CHD6: variants seen among roughly 807,000 people sequenced by gnomAD.
CHD6 encodes ATP-dependent chromatin remodeler CHD6.
A neutral mutation model predicts 276.9 loss-of-function variants in CHD6; 50 were observed. That is an observed-to-expected ratio of 0.18 (90% CI 0.14 to 0.23). The LOEUF is 0.23. Ranked by LOEUF, CHD6 falls within the 10% of genes least tolerant of loss-of-function variation. The pLI, the probability that CHD6 is intolerant of heterozygous loss-of-function variation, is 1.00. For missense variants in CHD6, 2,564 were observed against 3,365.8 expected (o/e 0.76, Z 5.89); for synonymous variants, 1,173 against 1,229.3 (o/e 0.95, Z 0.96).
chr20:41,615,844 T>G (rs569195030), intron 1 of CHD6, among the ~76,000 whole-genome samples: 7 of 152,306 alleles, frequency 4.6e-5, no homozygotes, highest in South Asian at 4.1e-4. Context: ...CAGGAAGACA[T>G]AACCACAAAC....
chr20:41,465,227 T>C (rs900883206), intron 17 of CHD6, among the ~76,000 whole-genome samples: 2 of 152,150 alleles, frequency 1.3e-5, no homozygotes, highest in Non-Finnish European at 2.9e-5. Flanking sequence ...TTTTTAGAGA[T>C]AAATACAGTT....
intron 3 of CHD6, among the ~76,000 whole-genome samples, chr20:41,528,061 C>A (rs1346278072): frequency 6.6e-6 from 1 of 152,172 alleles, no homozygotes; most frequent in Non-Finnish European, 1.5e-5. Flanking sequence ...ATACATTATC[C>A]AGTCTGTGTA....
rs73123239 is a variant in CHD6 at position 41,455,544 on chromosome 20, T to C, written c.3009+256A>G. The stretch of plus-strand genomic sequence containing the variant: ...CCTTGCAAACAGAGCCAACTGAGAA[T>C]AGGAGTGTTTATTCTGTCTGTTAAA... On this transcript the variant is annotated intron_variant, in intron 19 of 36. Transcript: ENST00000373233. Among the ~76,000 whole-genome samples, 1,508 of 152,272 alleles carry C rather than the reference T, an allele frequency of 9.9e-3. 11 individuals carry two copies. Among genetic ancestry groups the C allele is most frequent in the Non-Finnish European group, 0.019 (1,265 of 68,016 alleles).
chr20:41,439,049 A>C (rs1465715337), intron 26 of CHD6, among the ~76,000 whole-genome samples: 1 of 144,576 alleles, frequency 6.9e-6, no homozygotes, highest in Non-Finnish European at 1.6e-5. Context: ...CTAAGAGATA[A>C]ATGCTAAGAG....
chr20:41,412,201 G>C lies in CHD6; in HGVS notation c.7194C>G (p.Val2398=), dbSNP rs752150807. The stretch of plus-strand genomic sequence containing the variant: ...CTCTCTCTTCCCCGCTCAGGGAGCT[G>C]ACATCTAATTTTCCAGGTTCTTTAC... ...PRCKEPGKLD[V]SSLSGEERVP... Residue 2398 remains valine, a synonymous_variant, in exon 36 of 37, where the codon GTC becomes GTG. Transcript: ENST00000373233. 1.9e-6 allele frequency: 3 copies of C among 1,614,088 alleles called. No individual in the cohort carries two copies. In the South Asian group the frequency reaches 3.3e-5, roughly 18 times the overall value.
chr20:41,531,877 T>C (rs542556054), intron 3 of CHD6, among the ~76,000 whole-genome samples: 1 of 152,336 alleles, frequency 6.6e-6, no homozygotes, highest in Non-Finnish European at 1.5e-5. Context: ...ACAGGTGTGA[T>C]GGCCTCATTA....
chr20:41,416,638 C>G lies in CHD6; in HGVS notation c.6436G>C (p.Ala2146Pro). Residue 2146 changes from alanine to proline, a missense_variant, in exon 33 of 37, where the codon GCA becomes CCA. Around this residue, in one of 7 missense-constraint regions of CHD6, gnomAD observed 1,024 missense variants for 1,047.9 expected, o/e 0.98. Transcript: ENST00000373233. ...SRTSLSEPEA[A>P]EHSFSNGAAL... Reference sequence around the variant, plus strand: ...GCGCCGTTGCTGAAGCTGTGTTCTGCTGCTTCCGGCTCTGAGAGGCTGGTT... The same window carrying G: ...GCGCCGTTGCTGAAGCTGTGTTCTGGTGCTTCCGGCTCTGAGAGGCTGGTT... 6.2e-7 allele frequency: 1 copy of G among 1,613,922 alleles called. No homozygotes were observed. The highest frequency in any genetic ancestry group is 1.7e-4 in the Middle Eastern group (1 of 5,958).
At chr20:41,481,272 T>G (rs551871689) in intron 16 of CHD6, among the ~76,000 whole-genome samples, 1 of 151,700 alleles carries the variant, frequency 6.6e-6, no homozygotes, top group Non-Finnish European at 1.5e-5. Context: ...ATTATAAAAT[T>G]TAGGACATCA....
chr20:41,498,811 A>ATGTATGTGTG lies in CHD6; in HGVS notation c.915+483_915+484insCACACATACA, dbSNP rs1555796111. 5.3e-3 allele frequency among the ~76,000 whole-genome samples: 460 copies of ATGTATGTGTG among 86,580 alleles called. 3 individuals carry two copies. The highest frequency in any genetic ancestry group is 8.4e-3 in the Non-Finnish European group (379 of 45,386). 56.8% of individuals were successfully genotyped at this position (86,580 alleles called of 152,430 possible). On this transcript the variant is annotated intron_variant, in intron 6 of 36. Coordinates refer to ENST00000373233, the MANE Select transcript of CHD6 (RefSeq NM_032221.5). ...TATGTATGTATGTATGTATGTATGT[A>ATGTATGTGTG]TGTGTGTGTGTGTGTGTGTGTGTGT...
At chr20:41,559,435 G>C (rs2045278068) in intron 1 of CHD6, among the ~76,000 whole-genome samples, 6 of 152,138 alleles carry the variant, frequency 3.9e-5, no homozygotes, top group Admixed American at 3.9e-4. Context: ...CCCTAAAGCT[G>C]TTCTTGACAA....
At chr20:41,409,010 T>A (rs2046766139) in intron 36 of CHD6, among the ~76,000 whole-genome samples, 1 of 152,360 alleles carries the variant, frequency 6.6e-6, no homozygotes, top group East Asian at 1.9e-4. Flanking sequence ...CTGAGAACCA[T>A]GAGTGCAGAC....
intron 31 of CHD6, among the ~76,000 whole-genome samples, chr20:41,419,540 G>T (rs1044019496): frequency 1.1e-5 from 1 of 91,858 alleles, no homozygotes; most frequent in African/African-American, 3.9e-5. Context: ...GGGTGACAGA[G>T]CAAGACTCTG....
intron 27 of CHD6, among the ~76,000 whole-genome samples, chr20:41,430,338 T>C (rs2047496854): frequency 1.3e-5 from 2 of 152,258 alleles, no homozygotes; most frequent in South Asian, 4.1e-4. Flanking sequence ...TTAACTCTAA[T>C]ATATAAGAGC....
chr20:41,607,315 C>G (rs1239352605), intron 1 of CHD6, among the ~76,000 whole-genome samples: 1 of 152,170 alleles, frequency 6.6e-6, no homozygotes, highest in African/African-American at 2.4e-5. Context: ...CTTCTTGAGT[C>G]TTAACAAAAT....
intron 1 of CHD6, among the ~76,000 whole-genome samples, chr20:41,596,147 A>G (rs1176932225): frequency 2.0e-5 from 3 of 152,090 alleles, no homozygotes; most frequent in Non-Finnish European, 4.4e-5. Flanking sequence ...TCGCCCAAAC[A>G]TGCCCCTCCC....
chr20:41,518,104 A>G (rs1280145832), intron 3 of CHD6, among the ~76,000 whole-genome samples: 1 of 152,246 alleles, frequency 6.6e-6, no homozygotes, highest in Non-Finnish European at 1.5e-5. Context: ...AGCTTACAAT[A>G]TCCCAAAAGT....
At chr20:41,496,835 T>C (rs2043698594) in intron 8 of CHD6, 1 of 155,854 alleles carries the variant, frequency 6.4e-6, no homozygotes, top group African/African-American at 2.4e-5. Context: ...CAGGGTTTAG[T>C]CTTTATTCCA....
chr20:41,507,022 C>T (rs1302993641), intron 5 of CHD6, among the ~76,000 whole-genome samples: 1 of 152,174 alleles, frequency 6.6e-6, no homozygotes, highest in Non-Finnish European at 1.5e-5. Flanking sequence ...CATCTGTAGG[C>T]AAGCAGTAAA....
At chr20:41,489,635 A>G in intron 12 of CHD6, 143 bp downstream of exon 12, 3 of 1,017,064 alleles carry the variant, frequency 2.9e-6, no homozygotes, top group Middle Eastern at 3.2e-4. Context: ...CAGGGAGAGC[A>G]GGAGTCAGCC....
Sources: gnomAD v4.1 joint callset for allele counts (sites outside exome capture counted in the v4.1 genomes callset) on GRCh38, gnomAD v4.1.1 for gene constraint, gnomAD v4.1.1 regional missense constraint, MANE v1.5 for transcripts, NCBI Gene and HGNC (gene_info 2026-07-23, HGNC 2026-07-21) for gene names.